The following TENT5B variants were observed in gnomAD, a reference collection of about 807,000 sequenced individuals.
The protein encoded by TENT5B is family with sequence similarity 46 member B.
A neutral mutation model predicts 21.7 loss-of-function variants in TENT5B; 12 were observed. The observed-to-expected ratio is 0.55, with a 90% CI of 0.36 to 0.90. The LOEUF (loss-of-function observed/expected upper bound fraction) is 0.90. Among genes scored for constraint, TENT5B ranks in the 40% least tolerant of loss-of-function variants. TENT5B has a pLI of 0.01. For missense variants in TENT5B, 540 were observed against 601.5 expected, an observed-to-expected ratio of 0.90 and a Z score of 1.07; for synonymous variants, 262 against 266.6, an observed-to-expected ratio of 0.98 and a Z score of 0.17.
rs377618409 is a variant in TENT5B at position 27,006,993 on chromosome 1, C to A, written c.265-36G>T. The A allele has an allele frequency of 3.9e-6, 6 of 1,537,834 alleles. No homozygotes were observed. The highest frequency in any genetic ancestry group is 5.3e-6 in the Non-Finnish European group (6 of 1,140,614). ...GAGCAGGAAGGAGAGGTGTCAGGAG[C>A]GGGCCTCAGGGGTCCACCAAGGACT... On this transcript the variant is annotated intron_variant, in intron 1 of 1. Transcript: ENST00000289166. The surrounding 1 kb of genome is among the most constrained non-coding windows in gnomAD (Gnocchi z 9.4).
rs1192155933 is a variant in TENT5B, at chr1:27,012,539, G to T, written c.132C>A (p.Phe44Leu). The change falls in exon 1 of 2, where the codon TTC (phenylalanine) becomes TTA (leucine). Residue 44 changes from phenylalanine (F) to leucine (L), a missense_variant. Coordinates refer to ENST00000289166, the MANE Select transcript of TENT5B (RefSeq NM_052943.4). ...TCAGCCCACTCAGGTGCCGTCCGGG[G>T]AAGGCCGATAAGGCCTCCGGGTCGG... ...GGPDPEALSA[F>L]PGRHLSGLSW... The T allele has an allele frequency of 1.2e-6, 2 of 1,601,092 alleles. No homozygotes were observed. Among genetic ancestry groups the T allele is most frequent in the East Asian group, 2.2e-5 (1 of 44,712 alleles).
chr1:27,006,909 G>T lies in TENT5B; in HGVS notation c.313C>A (p.Arg105=). The change falls in exon 2 of 2, where the codon CGG becomes AGG. Residue 105 remains arginine, a synonymous_variant. Transcript: ENST00000289166. The surrounding 1 kb of genome is among the most constrained non-coding windows in gnomAD (Gnocchi z 9.4). The part of the protein sequence containing the change: ...EEQGLHVHSV[R]LHGSAASHVL... ...TGGCTGGCAGCTGAACCATGCAGCC[G>T]CACACTGTGCACATGTAGTCCCTGC... 6.2e-7 allele frequency: 1 copy of T among 1,611,394 alleles called. No individual in the cohort carries two copies. Among genetic ancestry groups the T allele is most frequent in the Non-Finnish European group, 8.5e-7 (1 of 1,178,694 alleles).
At position 27,006,592 on chromosome 1, in the gene TENT5B, G is replaced by A; in HGVS notation, c.630C>T (p.Arg210=). ...VELKFVDSVR[R]QFEFSIDSFQ... ...AGGAGTCTATGCTGAATTCAAACTG[G>A]CGTCTCACCGAGTCCACAAACTTGA... The change falls in exon 2 of 2, where the codon CGC becomes CGT. Residue 210 remains arginine, a synonymous_variant. Transcript: ENST00000289166. This position sits in a 1 kb window ranked among gnomAD's most constrained non-coding sequence, Gnocchi z 9.4. 6.2e-7 allele frequency: 1 copy of A among 1,614,192 alleles called. No individual in the cohort carries two copies. Among genetic ancestry groups the A allele is most frequent in the South Asian group, 1.1e-5 (1 of 91,084 alleles).
At position 27,006,104 on chromosome 1, in the gene TENT5B, G is replaced by A. The variant is rs748383570; in HGVS notation, c.1118C>T (p.Ala373Val). ...GCCCTGCTCAGCCAGTGCCTGCAGC[G>A]CCAGTGCGGCAATGAGGTCCAGCGT... is the stretch of plus-strand genomic sequence containing the variant. Reference protein sequence around the residue: ...RQTLDLIAALALQALAEQGPA... With the variant: ...RQTLDLIAALVLQALAEQGPA... Residue 373 changes from alanine to valine, a missense_variant, in exon 2 of 2, where the codon GCG (alanine) becomes GTG (valine). Transcript: ENST00000289166. The surrounding 1 kb of genome is among the most constrained non-coding windows in gnomAD (Gnocchi z 9.4). The A allele has an allele frequency of 2.6e-5, 42 of 1,609,232 alleles. No individual in the cohort carries two copies. The highest frequency in any genetic ancestry group is 3.4e-5 in the Non-Finnish European group (40 of 1,177,288).
chr1:27,007,804 A>C (rs2082607904), intron 1 of TENT5B, among the ~76,000 whole-genome samples: 1 of 152,174 alleles, frequency 6.6e-6, no homozygotes, highest in Admixed American at 6.5e-5. Flanking sequence ...ATTCATGACC[A>C]CATTAACCCT....
rs763046811 is a variant in TENT5B, at chr1:27,006,541, C to T, written c.681G>A (p.Leu227=). ...DSFQIILDSL[L]LFGQCSSTPM... ...GAGTGGACGAGCACTGGCCAAAGAGCAACAGGGAGTCCAGGATGATCTGGA... is the reference window on the plus strand; with the variant it reads ...GAGTGGACGAGCACTGGCCAAAGAGTAACAGGGAGTCCAGGATGATCTGGA... The change falls in exon 2 of 2, where the codon TTG becomes TTA. Residue 227 remains leucine, a synonymous_variant. Coordinates refer to ENST00000289166, the MANE Select transcript of TENT5B (RefSeq NM_052943.4). This position sits in a 1 kb window ranked among gnomAD's most constrained non-coding sequence, Gnocchi z 9.4. 3.7e-6 allele frequency: 6 copies of T among 1,614,050 alleles called. No individual in the cohort carries two copies. In the African/African-American group the frequency reaches 6.7e-5, roughly 18 times the overall value.
intron 1 of TENT5B, 45 bp from the exon 2 acceptor site, chr1:27,007,002 G>C: frequency 6.6e-7 from 1 of 1,521,038 alleles, no homozygotes; most frequent in Non-Finnish European, 8.8e-7. Context: ...GCGGGCCTCA[G>C]GGGTCCACCA....
At chr1:27,010,103 G>A (rs184951164) in intron 1 of TENT5B, among the ~76,000 whole-genome samples, 57 of 152,328 alleles carry the variant, frequency 3.7e-4, no homozygotes, top group Non-Finnish European at 6.2e-4. Flanking sequence ...GCCGCCTGAT[G>A]CAGGCCCTCT....
chr1:27,006,233 T>G lies in TENT5B; in HGVS notation c.989A>C (p.His330Pro). 6.2e-7 allele frequency: 1 copy of G among 1,611,620 alleles called. No homozygotes were observed. Among genetic ancestry groups the G allele is most frequent in the Non-Finnish European group, 8.5e-7 (1 of 1,179,398 alleles). Residue 330 changes from histidine (H) to proline (P), a missense_variant, in exon 2 of 2, where the codon CAC becomes CCC. Physicochemically the swap from His to Pro is moderately conservative, Grantham distance 77 (BLOSUM62 -2). Transcript: ENST00000289166. This position sits in a 1 kb window ranked among gnomAD's most constrained non-coding sequence, Gnocchi z 9.4. Reference protein sequence around the residue: ...RRTLERYLEAHFGGADAARRY... With the variant: ...RRTLERYLEAPFGGADAARRY... ...GCGGGCTGCATCTGCCCCACCGAAG[T>G]GGGCCTCCAGGTAGCGCTCTAGGGT... is the stretch of plus-strand genomic sequence containing the variant.
intron 1 of TENT5B, among the ~76,000 whole-genome samples, chr1:27,007,209 T>C (rs951883913): frequency 2.1e-4 from 32 of 151,992 alleles, no homozygotes; most frequent in Non-Finnish European, 4.0e-4. Flanking sequence ...GCAATGATAA[T>C]AGCACACATC....
In TENT5B at chr1:27,006,166, C is replaced by A. The variant is rs1487208077; in HGVS notation, c.1056G>T (p.Glu352Asp). The A allele has an allele frequency of 6.2e-7, 1 of 1,611,078 alleles. No homozygotes were observed. Among genetic ancestry groups the A allele is most frequent in the Admixed American group, 1.7e-5 (1 of 59,712 alleles). ...CLVTLHRVVN[E>D]STVCLMNHER... ...CGTGGTTCATGAGGCACACGGTGCT[C>A]TCGTTGACCACCCGGTGCAGTGTCA... The change falls in exon 2 of 2, where the codon GAG becomes GAT. Residue 352 changes from glutamate (E) to aspartate (D), a missense_variant. Transcript: ENST00000289166. The surrounding 1 kb of genome is among the most constrained non-coding windows in gnomAD (Gnocchi z 9.4).
chr1:27,011,909 G>A (rs2082625119), intron 1 of TENT5B, among the ~76,000 whole-genome samples: 1 of 152,184 alleles, frequency 6.6e-6, no homozygotes, highest in Admixed American at 6.5e-5. Flanking sequence ...TTTCCACGGG[G>A]TGGAGGGGGA....
chr1:27,007,499 C>A (rs1365030617), intron 1 of TENT5B, among the ~76,000 whole-genome samples: 1 of 151,326 alleles, frequency 6.6e-6, no homozygotes, highest in Non-Finnish European at 1.5e-5. Flanking sequence ...TCAAGTGATT[C>A]TCCTGCCTCA....
chr1:27,011,254 C>A (rs1193068809), intron 1 of TENT5B, among the ~76,000 whole-genome samples: 1 of 152,118 alleles, frequency 6.6e-6, no homozygotes, highest in Admixed American at 6.5e-5. Flanking sequence ...GGGAGGTAAT[C>A]CCCCAGCAGG....
intron 1 of TENT5B, among the ~76,000 whole-genome samples, chr1:27,010,566 G>A (rs186002738): frequency 1.3e-5 from 2 of 152,308 alleles, no homozygotes; most frequent in Non-Finnish European, 2.9e-5. Context: ...ACCAGAGAGG[G>A]TGTTGGAGAG....
chr1:27,011,697 C>T (rs2082624188), intron 1 of TENT5B, among the ~76,000 whole-genome samples: 1 of 152,164 alleles, frequency 6.6e-6, no homozygotes, highest in African/African-American at 2.4e-5. Context: ...TTCTCTTCTC[C>T]CTTTCCTCAG....
intron 1 of TENT5B, among the ~76,000 whole-genome samples, chr1:27,011,272 C>A (rs1377217900): frequency 6.6e-6 from 1 of 152,162 alleles, no homozygotes; most frequent in Admixed American, 6.5e-5. Context: ...AGGCAACCCT[C>A]CCCCTCTGTG....
intron 1 of TENT5B, among the ~76,000 whole-genome samples, chr1:27,007,870 G>A (rs2082608294): frequency 6.6e-6 from 1 of 152,178 alleles, no homozygotes; most frequent in Admixed American, 6.5e-5. Context: ...GACCTCAGGT[G>A]CAGAGAGGTA....
chr1:27,005,597 T>A lies in TENT5B; in HGVS notation c.*347A>T. On this transcript the variant is annotated 3_prime_UTR_variant, in exon 2 of 2. Coordinates refer to ENST00000289166, the MANE Select transcript of TENT5B (RefSeq NM_052943.4). The stretch of plus-strand genomic sequence containing the variant: ...TAGTCAAAAAGACCCTCTTAGACCA[T>A]GGGAATCAATCCAAGGTGCTGGGCA... The A allele has an allele frequency of 3.5e-6, 1 of 283,830 alleles. No individual in the cohort carries two copies. Among genetic ancestry groups the A allele is most frequent in the Middle Eastern group, 1.1e-3 (1 of 906 alleles). The allele number at this position is 283,830 out of a possible 1,614,324, so 17.6% of individuals were successfully genotyped here.
Sources: allele counts gnomAD v4.1 joint callset (sites outside exome capture counted in the v4.1 genomes callset), GRCh38; gene constraint gnomAD v4.1.1; non-coding constraint Gnocchi (gnomAD v3.1); transcripts MANE v1.5; gene names NCBI Gene and HGNC (gene_info 2026-07-23, HGNC 2026-07-21).